Variants in PRPSAP1 observed in about 807,000 individuals in gnomAD.
The protein encoded by PRPSAP1 is phosphoribosyl pyrophosphate synthase-associated protein 1.
In PRPSAP1, 31 loss-of-function variants were observed where a neutral mutation model predicts 39.4. The ratio of observed to expected loss-of-function variants is 0.79; its 90% CI spans 0.59 to 1.06. The LOEUF (loss-of-function observed/expected upper bound fraction) is 1.06. PRPSAP1 is among the 50% of genes least tolerant of loss of function. PRPSAP1 has a pLI of 0.00. For missense variants in PRPSAP1, 430 were observed against 511.6 expected, an observed-to-expected ratio of 0.84 and a Z score of 1.54; for synonymous variants, 212 against 192.6, an observed-to-expected ratio of 1.10 and a Z score of -0.83.
In PRPSAP1 at chr17:76,317,328, C is replaced by T. The variant is rs988224830; in HGVS notation, c.782-3437G>A. ...TCATGCCACTGCACTCCAGCCTGGC[C>T]GACAGAGCAAGACTGTCTCAAAGAA... is the stretch of plus-strand genomic sequence containing the variant. On this transcript the variant is annotated intron_variant, in intron 7 of 9. Transcript: ENST00000446526. Among the ~76,000 whole-genome samples, 11 of 147,794 alleles carry T rather than the reference C, an allele frequency of 7.4e-5. No individual in the cohort carries two copies. In the Admixed American group the frequency reaches 7.5e-4, roughly 10 times the overall value.
At chr17:76,331,141 G>A (rs1337802803) in intron 4 of PRPSAP1, among the ~76,000 whole-genome samples, 1 of 152,140 alleles carries the variant, frequency 6.6e-6, no homozygotes. Flanking sequence ...AATAATTTCT[G>A]TATGTAACAA....
At position 76,330,536 on chromosome 17, in the gene PRPSAP1, C is replaced by T. The variant is rs2071310576; in HGVS notation, c.579+15G>A. On this transcript the variant is annotated intron_variant, in intron 5 of 9. Transcript: ENST00000446526. ...TCTTTTGAGGACAATGGGGTGTTTG[C>T]TGGTGGTTCCTCACTTCTTCCTGGA... is the stretch of plus-strand genomic sequence containing the variant. The T allele has an allele frequency of 6.5e-7, 1 of 1,536,568 alleles. No homozygotes were observed. The highest frequency in any genetic ancestry group is 8.9e-7 in the Non-Finnish European group (1 of 1,118,454).
At chr17:76,326,451 C>T (rs1404900178) in intron 7 of PRPSAP1, among the ~76,000 whole-genome samples, 1 of 151,938 alleles carries the variant, frequency 6.6e-6, no homozygotes, top group Non-Finnish European at 1.5e-5. Flanking sequence ...GAAACCTTAA[C>T]CAACTTATCA....
chr17:76,344,152 G>T (rs2071470327), intron 3 of PRPSAP1, among the ~76,000 whole-genome samples: 1 of 147,524 alleles, frequency 6.8e-6, no homozygotes, highest in Admixed American at 6.7e-5. Context: ...TTTTGAGATG[G>T]AGTCTTGCTC....
chr17:76,337,543 G>A (rs2071393122), intron 3 of PRPSAP1: 1 of 152,206 alleles, frequency 6.6e-6, no homozygotes, highest in East Asian at 1.9e-4. Context: ...TGGAAGTAAT[G>A]GGGGAGAATT....
intron 5 of PRPSAP1, 184 bp downstream of exon 5, chr17:76,330,367 G>A: frequency 3.3e-6 from 2 of 607,190 alleles, no homozygotes; most frequent in Middle Eastern, 4.3e-4. Context: ...AAAAAAATCT[G>A]TTTTTAGTGT....
At chr17:76,353,926 G>T, upstream of PRPSAP1, 2 of 1,321,672 alleles carry the variant, frequency 1.5e-6, no homozygotes, top group Non-Finnish European at 9.6e-7. Context: ...CAAGGCCACC[G>T]CCCCCTCCGG....
chr17:76,336,202 C>G (rs1285775541), intron 3 of PRPSAP1, among the ~76,000 whole-genome samples: 1 of 152,090 alleles, frequency 6.6e-6, no homozygotes, highest in African/African-American at 2.4e-5. Flanking sequence ...ATCCGAGAGG[C>G]CAAGACAGGT....
intron 7 of PRPSAP1, among the ~76,000 whole-genome samples, chr17:76,320,423 CTTTTT>C (rs71161282): frequency 4.1e-5 from 3 of 73,410 alleles, no homozygotes; most frequent in African/African-American, 1.9e-4. Context: ...GCAGATAATG[CTTTTT>C]TTTTTTTTTT....
intron 3 of PRPSAP1, among the ~76,000 whole-genome samples, chr17:76,341,669 G>A (rs144919316): frequency 0.014 from 2,090 of 152,326 alleles, 47 homozygotes; most frequent in African/African-American, 0.047. Flanking sequence ...GCTGGGCACC[G>A]TGGCTCACGC....
chr17:76,328,747 C>T lies in PRPSAP1; in HGVS notation c.751G>A (p.Ala251Thr), dbSNP rs1490305599. The change falls in exon 7 of 10, where the codon GCT (alanine) becomes ACT (threonine). Residue 251 changes from alanine (A) to threonine (T), a missense_variant. This residue lies in a region of PRPSAP1 where 278 missense variants were observed against 376.3 expected (regional missense o/e 0.74). Coordinates refer to ENST00000446526, the MANE Select transcript of PRPSAP1 (RefSeq NM_002766.3). ...AACTCCAGGCCTGGGTGCACAGTAG[C>T]ATTTTTGACCATAGGCGGGGAGTGA... ...GRHSPPMVKN[A>T]TVHPGLELPL... 1.2e-6 allele frequency: 2 copies of T among 1,614,058 alleles called. No homozygotes were observed. Among genetic ancestry groups the T allele is most frequent in the Admixed American group, 1.7e-5 (1 of 59,982 alleles).
intron 3 of PRPSAP1, among the ~76,000 whole-genome samples, chr17:76,334,177 G>A (rs535735340): frequency 9.2e-5 from 14 of 152,158 alleles, no homozygotes; most frequent in African/African-American, 3.1e-4. Context: ...AAACATCCCC[G>A]TCTTGGGGTG....
chr17:76,353,891 G>T lies in PRPSAP1; in HGVS notation c.-188C>A. 2 of 1,330,248 alleles carry T rather than the reference G, an allele frequency of 1.5e-6. No individual in the cohort carries two copies. The highest frequency in any genetic ancestry group is 1.9e-6 in the Non-Finnish European group (2 of 1,045,766). 82.4% of individuals were successfully genotyped at this position (1,330,248 alleles called of 1,614,324 possible). A position where few individuals can be genotyped will look rare whatever the true frequency, so the allele number is the denominator to read the frequency against. On this transcript the variant is annotated 5_prime_UTR_variant, in exon 1 of 10. Coordinates refer to ENST00000446526, the MANE Select transcript of PRPSAP1 (RefSeq NM_002766.3). ...CAGCGGCCGAGCCTTCGCAGCGCCC[G>T]GCGCCGCCGCCTCAGAGCCAGAGGC...
At chr17:76,320,329 G>GAGGA (rs1567799200) in intron 7 of PRPSAP1, among the ~76,000 whole-genome samples, 1 of 114,012 alleles carries the variant, frequency 8.8e-6, no homozygotes, top group Admixed American at 8.1e-5. Context: ...GGGAAGAAGG[G>GAGGA]AGGGAGGGAG....
At chr17:76,311,828 C>T (rs531660795) in intron 9 of PRPSAP1, 128 bp from the exon 10 acceptor site, 4 of 1,116,704 alleles carry the variant, frequency 3.6e-6, no homozygotes, top group East Asian at 2.7e-5. Flanking sequence ...CTTGTTCCAC[C>T]GAGTATAGTT....
intron 7 of PRPSAP1, among the ~76,000 whole-genome samples, chr17:76,319,038 CA>C (rs2071156798): frequency 1.3e-5 from 2 of 152,008 alleles, no homozygotes; most frequent in South Asian, 4.1e-4. Flanking sequence ...CTCCCAGGTT[CA>C]AGCGATTCTC....
Position 76,312,977 on chromosome 17 carries a change from C to T in PRPSAP1, c.892G>A (p.Ala298Thr), listed in dbSNP as rs774700680. 2.5e-5 allele frequency: 41 copies of T among 1,613,872 alleles called. No homozygotes were observed. Among genetic ancestry groups the T allele is most frequent in the East Asian group, 4.5e-5 (2 of 44,886 alleles). ...GCGCCTCTCTCTTTCAGGATCTCCG[C>T]GGCAGCAACAAAACTCTCCACATCG... ...IDDVESFVAA[A>T]EILKERGAYK... The change falls in exon 9 of 10, where the codon GCG becomes ACG. Residue 298 changes from alanine (A) to threonine (T), a missense_variant. By Grantham distance (58) the Ala-to-Thr change is moderately conservative. This residue lies in a region of PRPSAP1 where 278 missense variants were observed against 376.3 expected (regional missense o/e 0.74). Transcript: ENST00000446526.
intron 4 of PRPSAP1, among the ~76,000 whole-genome samples, chr17:76,331,954 A>T (rs1047782085): frequency 6.6e-6 from 1 of 152,220 alleles, no homozygotes; most frequent in African/African-American, 2.4e-5. Flanking sequence ...CTAGACCTGA[A>T]GATCAAAAGA....
intron 6 of PRPSAP1, among the ~76,000 whole-genome samples, chr17:76,329,746 C>CAA (rs1167170809): frequency 1.4e-5 from 2 of 141,714 alleles, no homozygotes; most frequent in African/African-American, 2.6e-5. Flanking sequence ...AAAAAAAAAA[C>CAA]AAAAAAAAAA....
Sources: allele counts gnomAD v4.1 joint callset (sites outside exome capture counted in the v4.1 genomes callset), GRCh38; gene constraint gnomAD v4.1.1; regional missense constraint gnomAD v4.1.1; transcripts MANE v1.5; gene names NCBI Gene and HGNC (gene_info 2026-07-23, HGNC 2026-07-21).